The following TRAPPC9 variants were observed in gnomAD, a reference collection of about 807,000 sequenced individuals.
The protein encoded by TRAPPC9 is trafficking protein particle complex subunit 9.
TRAPPC9 carries 83 observed loss-of-function variants against 124.0 expected under a neutral mutation model. The observed-to-expected ratio is 0.67, with a 90% CI of 0.56 to 0.80. TRAPPC9 has a LOEUF of 0.80. Ranked by LOEUF, TRAPPC9 falls within the 30% of genes least tolerant of loss-of-function variation. The pLI is 0.00. For missense variants in TRAPPC9, 1,302 were observed against 1,508.3 expected (o/e 0.86, Z 2.27); for synonymous variants, 638 against 617.5 (o/e 1.03, Z -0.49).
intron 18 of TRAPPC9, among the ~76,000 whole-genome samples, chr8:139,997,885 G>T (rs1838137533): frequency 4.6e-5 from 2 of 43,508 alleles, no homozygotes; most frequent in African/African-American, 1.2e-4. Context: ...ACACAGGGGA[G>T]ACAATGCATC....
intron 17 of TRAPPC9, among the ~76,000 whole-genome samples, chr8:140,183,852 CAAA>C (rs1203981547): frequency 0.014 from 794 of 55,394 alleles, 5 homozygotes; most frequent in East Asian, 0.052. Flanking sequence ...GAGACTTTGT[CAAA>C]AAAAAAAAAG....
At position 140,131,792 on chromosome 8, in the gene TRAPPC9, A is replaced by G. The variant is rs529602455; in HGVS notation, c.2556+89667T>C. 3.9e-5 allele frequency among the ~76,000 whole-genome samples: 6 copies of G among 152,334 alleles called. No individual in the cohort carries two copies. The East Asian group carries it at 9.7e-4, about 25-fold the overall frequency. The stretch of plus-strand genomic sequence containing the variant: ...GACAACTCCTCACTCACACACATTC[A>G]GTAACATCTCACCGACTTCAAGGTT... On this transcript the variant is annotated intron_variant, in intron 17 of 22. Transcript: ENST00000438773.
At chr8:140,269,679 T>C (rs555436754) in intron 15 of TRAPPC9, among the ~76,000 whole-genome samples, 2 of 152,324 alleles carry the variant, frequency 1.3e-5, no homozygotes, top group East Asian at 3.9e-4. Context: ...AGATGGTTTG[T>C]ATGTAAGTGT....
At chr8:140,404,605 G>A (rs557195965) in intron 6 of TRAPPC9, among the ~76,000 whole-genome samples, 1 of 152,220 alleles carries the variant, frequency 6.6e-6, no homozygotes, top group Non-Finnish European at 1.5e-5. Context: ...AGATACTGCT[G>A]AGTGGGTAAA....
At chr8:139,988,645 G>T in intron 19 of TRAPPC9, 81 bp downstream of exon 19, 1 of 939,740 alleles carries the variant, frequency 1.1e-6, no homozygotes, top group South Asian at 1.4e-5. Context: ...ACTTGGGGTG[G>T]ATTATCTCCA....
intron 17 of TRAPPC9, among the ~76,000 whole-genome samples, chr8:140,217,788 G>A (rs1041257919): frequency 6.6e-6 from 1 of 152,156 alleles, no homozygotes; most frequent in African/African-American, 2.4e-5. Flanking sequence ...GGCCAAGGCA[G>A]GCAGGTCACT....
chr8:140,272,368 GA>G lies in TRAPPC9; in HGVS notation c.2278+3289del, dbSNP rs1212599436. Among the ~76,000 whole-genome samples, 130 of 141,710 alleles carry G rather than the reference GA, an allele frequency of 9.2e-4. No individual in the cohort carries two copies. In the Middle Eastern group the frequency reaches 0.011, roughly 12 times the overall value. The allele number at this position is 141,710 out of a possible 152,430, so 93.0% of individuals were successfully genotyped here. On this transcript the variant is annotated intron_variant, in intron 15 of 22. Coordinates refer to ENST00000438773, the MANE Select transcript of TRAPPC9 (RefSeq NM_001160372.4). The stretch of plus-strand genomic sequence containing the variant: ...TCACAGTGGAGAGAGTGGTGGTAGT[GA>G]GGGTGGTGGTGATGATGGTGATGGT...
chr8:140,371,994 C>G (rs117120879), intron 7 of TRAPPC9, among the ~76,000 whole-genome samples: 2 of 152,238 alleles, frequency 1.3e-5, no homozygotes, highest in Admixed American at 1.3e-4. Context: ...TGAGCCACCA[C>G]GCCCAGCCAA....
At chr8:139,735,916 G>A (rs1818133756) in intron 21 of TRAPPC9, among the ~76,000 whole-genome samples, 1 of 152,164 alleles carries the variant, frequency 6.6e-6, no homozygotes, top group Admixed American at 6.5e-5. Context: ...GCACTTAGGT[G>A]TGAGGCCAGG....
chr8:140,207,091 G>C (rs929573014), intron 17 of TRAPPC9, among the ~76,000 whole-genome samples: 2 of 152,226 alleles, frequency 1.3e-5, no homozygotes, highest in African/African-American at 4.8e-5. Context: ...CGTCTCTTCA[G>C]CTCTCAGGAA....
intron 14 of TRAPPC9, among the ~76,000 whole-genome samples, chr8:140,280,237 C>T (rs1312881520): frequency 6.6e-6 from 1 of 152,244 alleles, no homozygotes; most frequent in East Asian, 1.9e-4. Context: ...TGCTTGGAAG[C>T]GTCCAGGCCC....
chr8:139,756,532 G>T (rs1233645552), intron 21 of TRAPPC9, among the ~76,000 whole-genome samples: 1 of 127,868 alleles, frequency 7.8e-6, no homozygotes, highest in African/African-American at 2.9e-5. Flanking sequence ...ACAGCAGGTC[G>T]CAGGAGGAGC....
intron 17 of TRAPPC9, among the ~76,000 whole-genome samples, chr8:140,146,017 C>T (rs2061456950): frequency 6.6e-6 from 1 of 152,172 alleles, no homozygotes; most frequent in Non-Finnish European, 1.5e-5. Context: ...TTCACCTAAA[C>T]TCAGTACTTA....
chr8:140,070,145 T>C (rs1843086246), intron 17 of TRAPPC9, among the ~76,000 whole-genome samples: 2 of 152,196 alleles, frequency 1.3e-5, no homozygotes, highest in Admixed American at 1.3e-4. Flanking sequence ...CCAGTCAAGG[T>C]GACAACCAAA....
intron 19 of TRAPPC9, among the ~76,000 whole-genome samples, chr8:139,914,477 G>A (rs1448089038): frequency 7.9e-5 from 12 of 152,254 alleles, no homozygotes; most frequent in Middle Eastern, 3.2e-3. Context: ...GGGCAGCAGC[G>A]CAGCGGGAGA....
intron 17 of TRAPPC9, among the ~76,000 whole-genome samples, chr8:140,169,631 G>A (rs753279432): frequency 2.1e-4 from 32 of 152,220 alleles, no homozygotes; most frequent in Non-Finnish European, 3.8e-4. Flanking sequence ...CGGCATCTAC[G>A]AGCCTTGAGA....
rs113055435 is a variant in TRAPPC9 at position 140,425,365 on chromosome 8, G to T, written c.886+1250C>A. ...CTCACATACCAAACACTGGTTTCTG[G>T]GTCCTTCCTGGCAGTTTTCACCTCT... On this transcript the variant is annotated intron_variant, in intron 5 of 22. Transcript: ENST00000438773. Among the ~76,000 whole-genome samples, 7 of 152,226 alleles carry T rather than the reference G, an allele frequency of 4.6e-5. No homozygotes were observed. The East Asian group carries it at 9.7e-4, about 21-fold the overall frequency.
chr8:139,985,084 A>AT (rs1353758186), intron 19 of TRAPPC9, among the ~76,000 whole-genome samples: 1 of 152,244 alleles, frequency 6.6e-6, no homozygotes, highest in East Asian at 1.9e-4. Flanking sequence ...TTGAATGAAT[A>AT]TTTTATGAAT....
intron 18 of TRAPPC9, among the ~76,000 whole-genome samples, chr8:140,019,655 C>A (rs1363312758): frequency 2.1e-5 from 3 of 142,910 alleles, no homozygotes; most frequent in African/African-American, 2.6e-5. Flanking sequence ...TGGGTTCAAG[C>A]GATTCTCATG....
Sources: allele counts gnomAD v4.1 joint callset (sites outside exome capture counted in the v4.1 genomes callset), GRCh38; gene constraint gnomAD v4.1.1; transcripts MANE v1.5; gene names NCBI Gene and HGNC (gene_info 2026-07-23, HGNC 2026-07-21).